CCDC102B: variants seen among roughly 807,000 people sequenced by gnomAD.
The protein encoded by CCDC102B is coiled-coil domain-containing protein 102B.
In CCDC102B, 75 loss-of-function variants were observed where a neutral mutation model predicts 57.4. The observed-to-expected ratio is 1.31, with a 90% CI of 1.08 to 1.58. The LOEUF is 1.58. CCDC102B is among the 40% of genes most tolerant of loss of function. The probability of loss-of-function intolerance (pLI) is 0.00; values close to 1 mark genes in which losing one functional copy is unlikely to be tolerated. For missense variants in CCDC102B, 636 were observed against 582.6 expected (o/e 1.09, Z -0.94); for synonymous variants, 206 against 201.9 (o/e 1.02, Z -0.17).
chr18:68,848,904 T>C (rs1378547581), intron 4 of CCDC102B, among the ~76,000 whole-genome samples: 1 of 152,112 alleles, frequency 6.6e-6, no homozygotes, highest in Non-Finnish European at 1.5e-5. Flanking sequence ...TAAAAATTAG[T>C]CTCAAGGTAA....
intron 2 of CCDC102B, among the ~76,000 whole-genome samples, chr18:68,761,469 T>C (rs1387997663): frequency 6.6e-6 from 1 of 151,886 alleles, no homozygotes; most frequent in Non-Finnish European, 1.5e-5. Flanking sequence ...TGTTGAAATC[T>C]CCCACTCTGA....
At chr18:69,001,240 C>A (rs151276270) in intron 6 of CCDC102B, among the ~76,000 whole-genome samples, 1 of 152,276 alleles carries the variant, frequency 6.6e-6, no homozygotes, top group African/African-American at 2.4e-5. Context: ...TTTTCCCATG[C>A]TGTTAGCTGC....
chr18:68,874,599 A>G, intron 4 of CCDC102B, 70 bp from the exon 5 acceptor site: 1 of 890,232 alleles, frequency 1.1e-6, no homozygotes, highest in Middle Eastern at 2.3e-4. Context: ...TAAATGAAGG[A>G]CTAATGTGGA....
chr18:69,048,687 A>G (rs939069805), intron 7 of CCDC102B, among the ~76,000 whole-genome samples: 4 of 152,048 alleles, frequency 2.6e-5, no homozygotes, highest in Admixed American at 6.6e-5. Flanking sequence ...GAGTTTACAG[A>G]ATAGCATTTC....
intron 1 of CCDC102B, among the ~76,000 whole-genome samples, chr18:68,830,031 G>A (rs543482042): frequency 2.6e-5 from 4 of 152,000 alleles, no homozygotes; most frequent in Admixed American, 2.6e-4. Flanking sequence ...TTCATAGAGT[G>A]ATTTGCTCTC....
chr18:68,774,381 G>A (rs555775945), intron 2 of CCDC102B, among the ~76,000 whole-genome samples: 1 of 151,678 alleles, frequency 6.6e-6, no homozygotes, highest in African/African-American at 2.4e-5. Context: ...TCAGGACCAG[G>A]GTTTCTATTA....
chr18:68,982,691 AT>A lies in CCDC102B; in HGVS notation c.1264-28237del, dbSNP rs1258627818. On this transcript the variant is annotated intron_variant, in intron 6 of 7. Coordinates refer to ENST00000360242, the MANE Select transcript of CCDC102B (RefSeq NM_024781.3). ...TATCTATAACTGAAAAATAATTTCAATTTTTTGTTGCTAAGCCAGTTTGCTT... is the reference window on the plus strand; with the variant it reads ...TATCTATAACTGAAAAATAATTTCAATTTTTGTTGCTAAGCCAGTTTGCTT... 2.0e-4 allele frequency among the ~76,000 whole-genome samples: 31 copies of A among 151,814 alleles called. 1 individual carries two copies. Among genetic ancestry groups the A allele is most frequent in the African/African-American group, 2.4e-5 (1 of 41,380 alleles).
At chr18:69,026,109 C>T (rs1316013728) in intron 7 of CCDC102B, among the ~76,000 whole-genome samples, 3 of 152,006 alleles carry the variant, frequency 2.0e-5, no homozygotes, top group African/African-American at 4.8e-5. Flanking sequence ...CGGGGGAGAA[C>T]GTGTGATTCA....
At chr18:69,015,993 T>A (rs1303053384) in intron 7 of CCDC102B, among the ~76,000 whole-genome samples, 1 of 151,132 alleles carries the variant, frequency 6.6e-6, no homozygotes, top group Non-Finnish European at 1.5e-5. Flanking sequence ...TTGCTGGGAC[T>A]ACAGGTGCCC....
intron 2 of CCDC102B, among the ~76,000 whole-genome samples, chr18:68,744,103 T>G (rs2145229174): frequency 6.6e-6 from 1 of 152,342 alleles, no homozygotes; most frequent in East Asian, 1.9e-4. Context: ...TGGAATTTTA[T>G]TATCAGAACA....
At chr18:68,860,475 C>CAAAAAAAAAAAAAAAAAAAAA (rs1169097862) in intron 4 of CCDC102B, among the ~76,000 whole-genome samples, 5 of 53,066 alleles carry the variant, frequency 9.4e-5, no homozygotes, top group South Asian at 6.2e-4. Flanking sequence ...AAAACAAAAA[C>CAAAAAAAAAAAAAAAAAAAAA]AAAAAAAAAA....
intron 4 of CCDC102B, among the ~76,000 whole-genome samples, chr18:68,871,833 A>G (rs1599608421): frequency 6.6e-6 from 1 of 152,184 alleles, no homozygotes; most frequent in East Asian, 1.9e-4. Context: ...GGAGAGTTTC[A>G]TGATCTGAAT....
At chr18:68,897,662 A>G (rs1052600692) in intron 6 of CCDC102B, 14 of 1,437,866 alleles carry the variant, frequency 9.7e-6, no homozygotes, top group Non-Finnish European at 1.1e-5. Context: ...CAAGATTTCC[A>G]AAAGGAAGAA....
chr18:69,026,553 G>A (rs1331377222), intron 7 of CCDC102B, among the ~76,000 whole-genome samples: 1 of 151,712 alleles, frequency 6.6e-6, no homozygotes, highest in Non-Finnish European at 1.5e-5. Context: ...TCAGAGGCTT[G>A]GCACACAGAG....
intron 6 of CCDC102B, among the ~76,000 whole-genome samples, chr18:68,938,095 G>A (rs971307498): frequency 2.0e-5 from 3 of 151,832 alleles, no homozygotes; most frequent in Non-Finnish European, 2.9e-5. Flanking sequence ...GCAGAAAAAA[G>A]GTCTCAACTC....
At chr18:68,766,195 G>A (rs55785096) in intron 2 of CCDC102B, among the ~76,000 whole-genome samples, 1 of 151,982 alleles carries the variant, frequency 6.6e-6, no homozygotes, top group African/African-American at 2.4e-5. Context: ...ATAGAGATGG[G>A]TGATTAAATA....
intron 6 of CCDC102B, among the ~76,000 whole-genome samples, chr18:68,998,828 G>C (rs979771770): frequency 1.3e-5 from 2 of 151,842 alleles, no homozygotes; most frequent in Non-Finnish European, 2.9e-5. Flanking sequence ...CCAGACTGAG[G>C]GTGGGTCTGC....
At chr18:68,832,861 A>T (rs112329937) in intron 1 of CCDC102B, among the ~76,000 whole-genome samples, 2 of 151,992 alleles carry the variant, frequency 1.3e-5, no homozygotes, top group African/African-American at 4.8e-5. Context: ...GAATGGACAC[A>T]TCCAGGTAGC....
intron 4 of CCDC102B, among the ~76,000 whole-genome samples, chr18:68,850,163 A>G (rs1019611936): frequency 3.3e-5 from 5 of 152,176 alleles, no homozygotes; most frequent in African/African-American, 1.2e-4. Flanking sequence ...TTCTGCAGCA[A>G]GAGTCAATAT....
Sources: allele counts gnomAD v4.1 joint callset (sites outside exome capture counted in the v4.1 genomes callset), GRCh38; gene constraint gnomAD v4.1.1; transcripts MANE v1.5; gene names NCBI Gene and HGNC (gene_info 2026-07-23, HGNC 2026-07-21).